Variants in GATAD2B observed in about 807,000 individuals in gnomAD.
The protein encoded by GATAD2B is transcriptional repressor p66-beta.
GATAD2B carries 8 observed loss-of-function variants against 64.3 expected under a neutral mutation model. That is an observed-to-expected ratio of 0.12 (90% CI 0.07 to 0.22). The LOEUF is 0.22. Among genes scored for constraint, GATAD2B ranks in the 10% least tolerant of loss-of-function variants. The pLI is 1.00. For synonymous variants in GATAD2B, 281 were observed against 271.3 expected, an observed-to-expected ratio of 1.04 and a Z score of -0.35; for missense variants, 453 against 752.0, an observed-to-expected ratio of 0.60 and a Z score of 4.65.
In GATAD2B at chr1:153,816,978, G is replaced by A. The variant is rs1231778387; in HGVS notation, c.901-390C>T. 6.6e-6 allele frequency among the ~76,000 whole-genome samples: 1 copy of A among 152,094 alleles called. No homozygotes were observed. The highest frequency in any genetic ancestry group is 1.5e-5 in the Non-Finnish European group (1 of 68,030). On this transcript the variant is annotated intron_variant, in intron 6 of 10. Coordinates refer to ENST00000368655, the MANE Select transcript of GATAD2B (RefSeq NM_020699.4). The surrounding 1 kb of genome is among the most constrained non-coding windows in gnomAD (Gnocchi z 4.9). ...GAACCCAGGAGGCAGAGGTTGCAGT[G>A]AGCCAAGATCATGCCACTGCACTCT... is the stretch of plus-strand genomic sequence containing the variant.
intron 1 of GATAD2B, among the ~76,000 whole-genome samples, chr1:153,890,405 A>G (rs1297195635): frequency 7.0e-6 from 1 of 143,620 alleles, no homozygotes; most frequent in Non-Finnish European, 1.5e-5. Flanking sequence ...GAAGAATCGC[A>G]TAAACCCAGG....
At chr1:153,892,096 C>T (rs950640209) in intron 1 of GATAD2B, among the ~76,000 whole-genome samples, 6 of 136,666 alleles carry the variant, frequency 4.4e-5, no homozygotes, top group Non-Finnish European at 4.6e-5. Context: ...ACCCAGGAGG[C>T]GGAGGTTGCA....
intron 1 of GATAD2B, among the ~76,000 whole-genome samples, chr1:153,861,824 A>G (rs1676302298): frequency 7.1e-6 from 1 of 141,408 alleles, no homozygotes; most frequent in East Asian, 2.0e-4. Context: ...ATATGTATAT[A>G]TATGTATATG....
At chr1:153,842,030 T>C (rs573346667) in intron 1 of GATAD2B, among the ~76,000 whole-genome samples, 242 of 152,216 alleles carry the variant, frequency 1.6e-3, no homozygotes, top group Middle Eastern at 3.4e-3. Context: ...TGGCTATTCA[T>C]AGGCACCATC....
At chr1:153,907,052 G>A (rs1183848142) in intron 1 of GATAD2B, among the ~76,000 whole-genome samples, 2 of 152,200 alleles carry the variant, frequency 1.3e-5, no homozygotes, top group Non-Finnish European at 2.9e-5. Context: ...ATTGCTGACA[G>A]AAATGTAAAT....
intron 1 of GATAD2B, among the ~76,000 whole-genome samples, chr1:153,901,425 T>C (rs1677767594): frequency 6.6e-6 from 1 of 151,928 alleles, no homozygotes; most frequent in Admixed American, 6.6e-5. Flanking sequence ...GAGTGATGCG[T>C]AGAGGGGAAG....
intron 1 of GATAD2B, among the ~76,000 whole-genome samples, chr1:153,888,621 G>A (rs1677256795): frequency 6.6e-6 from 1 of 152,200 alleles, no homozygotes; most frequent in Non-Finnish European, 1.5e-5. Flanking sequence ...ACATCTAAAT[G>A]TGCTAACAAC....
At chr1:153,860,212 G>A (rs957087944) in intron 1 of GATAD2B, among the ~76,000 whole-genome samples, 5 of 151,812 alleles carry the variant, frequency 3.3e-5, no homozygotes, top group Admixed American at 3.3e-4. Context: ...ACTTGCACTC[G>A]GCCTGTCAAG....
chr1:153,868,888 T>G (rs1676565264), intron 1 of GATAD2B, among the ~76,000 whole-genome samples: 1 of 151,742 alleles, frequency 6.6e-6, no homozygotes, highest in Non-Finnish European at 1.5e-5. Context: ...GCACGCACCA[T>G]CACACCTGGC....
chr1:153,817,778 T>C lies in GATAD2B; in HGVS notation c.730-236A>G, dbSNP rs796739759. On this transcript the variant is annotated intron_variant, in intron 5 of 10. Transcript: ENST00000368655. ...TTTTGGTATAAACTATCTAATCCTATAGGGTTAGATAGAAAACTATCTACC... is the reference window on the plus strand; with the variant it reads ...TTTTGGTATAAACTATCTAATCCTACAGGGTTAGATAGAAAACTATCTACC... Among the ~76,000 whole-genome samples the C allele has an allele frequency of 8.5e-5, 13 of 152,224 alleles. 1 individual carries two copies. Among genetic ancestry groups the C allele is most frequent in the African/African-American group, 2.9e-4 (12 of 41,540 alleles).
intron 1 of GATAD2B, among the ~76,000 whole-genome samples, chr1:153,847,163 C>T (rs761477424): frequency 4.6e-5 from 7 of 152,046 alleles, no homozygotes; most frequent in Non-Finnish European, 8.8e-5. Context: ...GACAGGGTTT[C>T]GCCATGTTGG....
intron 2 of GATAD2B, among the ~76,000 whole-genome samples, chr1:153,823,709 TTTTGCTTTTTTTTTTTGTTTTTTTG>T (rs574181721): frequency 3.5e-4 from 53 of 151,226 alleles, no homozygotes; most frequent in Non-Finnish European, 5.8e-4. Flanking sequence ...AATCTATCGG[TTTTGCTTTTTTTTTTTGTTTTTTTG>T]TTTGTTTTTT....
intron 1 of GATAD2B, among the ~76,000 whole-genome samples, chr1:153,832,749 C>T (rs993970622): frequency 6.6e-6 from 1 of 152,020 alleles, no homozygotes; most frequent in African/African-American, 2.4e-5. Context: ...AACTCATCAC[C>T]CAAATAGCTA....
Position 153,828,082 on chromosome 1 carries a change from T to A in GATAD2B, c.266A>T (p.Asn89Ile). The A allele has an allele frequency of 6.2e-7, 1 of 1,614,212 alleles. No individual in the cohort carries two copies. Among genetic ancestry groups the A allele is most frequent in the Non-Finnish European group, 8.5e-7 (1 of 1,180,030 alleles). Residue 89 changes from asparagine (N) to isoleucine (I), a missense_variant, in exon 2 of 11, where the codon AAC (asparagine) becomes ATC (isoleucine). Coordinates refer to ENST00000368655, the MANE Select transcript of GATAD2B (RefSeq NM_020699.4). ...LNGNLRPHGD[N>I]RTAGRPGKEN... The stretch of plus-strand genomic sequence containing the variant: ...TTTGCCTGGCCTTCCAGCAGTCCTG[T>A]TGTCTCCATGAGGCCTGAGATTCCC...
chr1:153,848,401 A>G (rs978479771), intron 1 of GATAD2B, among the ~76,000 whole-genome samples: 4 of 151,966 alleles, frequency 2.6e-5, no homozygotes, highest in African/African-American at 9.7e-5. Flanking sequence ...TATCAACTCA[A>G]TCTTCCTTCC....
At chr1:153,886,140 T>G (rs1038821993) in intron 1 of GATAD2B, among the ~76,000 whole-genome samples, 1 of 152,218 alleles carries the variant, frequency 6.6e-6, no homozygotes, top group Admixed American at 6.5e-5. Flanking sequence ...CTTTACAAAT[T>G]TTATAAATAA....
chr1:153,888,284 T>C (rs1372531386), intron 1 of GATAD2B, among the ~76,000 whole-genome samples: 1 of 152,002 alleles, frequency 6.6e-6, no homozygotes, highest in East Asian at 1.9e-4. Context: ...AAAAAAACCA[T>C]GAAAATCATA....
At chr1:153,812,216 G>C (rs1223642321) in intron 8 of GATAD2B, 84 bp from the exon 9 acceptor site, 2 of 712,580 alleles carry the variant, frequency 2.8e-6, no homozygotes, top group Non-Finnish European at 4.7e-6. Flanking sequence ...TTTAAACAGA[G>C]ACACAATCTG....
chr1:153,879,807 A>T (rs1676955452), intron 1 of GATAD2B, among the ~76,000 whole-genome samples: 1 of 151,508 alleles, frequency 6.6e-6, no homozygotes, highest in Admixed American at 6.6e-5. Flanking sequence ...ACTGAGCAGA[A>T]TTATAATTTC....
Sources: gnomAD v4.1 joint callset for allele counts (sites outside exome capture counted in the v4.1 genomes callset) on GRCh38, gnomAD v4.1.1 for gene constraint, Gnocchi (gnomAD v3.1) non-coding constraint, MANE v1.5 for transcripts, NCBI Gene and HGNC (gene_info 2026-07-23, HGNC 2026-07-21) for gene names.